NUMBL: variants seen among roughly 807,000 people sequenced by gnomAD.
The protein encoded by NUMBL is NUMB like endocytic adaptor protein, also known as numb-like protein.
In NUMBL, 20 loss-of-function variants were observed where a neutral mutation model predicts 48.9. That is an observed-to-expected ratio of 0.41 (90% confidence interval 0.29 to 0.59). NUMBL has a LOEUF of 0.59. NUMBL is among the 20% of genes least tolerant of loss of function. NUMBL has a pLI of 0.31. For synonymous variants in NUMBL, 340 were observed against 348.7 expected (o/e 0.98, Z 0.28); for missense variants, 660 against 846.2 (o/e 0.78, Z 2.73).
intron 2 of NUMBL, 190 bp from the exon 3 acceptor site, chr19:40,684,746 CA>C: frequency 2.5e-6 from 2 of 785,266 alleles, no homozygotes. Flanking sequence ...AAGGAGCCAA[CA>C]GAAGCCAGGG....
intron 3 of NUMBL, among the ~76,000 whole-genome samples, chr19:40,683,707 G>C (rs898679640): frequency 4.6e-5 from 7 of 152,194 alleles, no homozygotes; most frequent in Non-Finnish European, 1.0e-4. Context: ...TATCGGTAGA[G>C]CGCTTTGCAA....
rs1217960306 is a variant in NUMBL, at chr19:40,686,965, G to A, written c.55C>T (p.Pro19Ser). ...GGPRRPERHL[P>S]PAPCGAPGPP... ...CCCGGGGCCCCACAGGGGGCTGGGG[G>A]CAGGTGCCGCTCAGGCCTCCGGGGT... Residue 19 changes from proline to serine, a missense_variant, in exon 2 of 10, where the codon CCC becomes TCC. Coordinates refer to ENST00000252891, the MANE Select transcript of NUMBL (RefSeq NM_004756.5). The A allele has an allele frequency of 2.0e-6, 3 of 1,534,628 alleles. No individual in the cohort carries two copies. Among genetic ancestry groups the A allele is most frequent in the Admixed American group, 2.2e-5 (1 of 46,174 alleles).
At chr19:40,680,850 T>C (rs922712549) in intron 6 of NUMBL, 67 bp downstream of exon 6, 2 of 1,566,068 alleles carry the variant, frequency 1.3e-6, no homozygotes. Flanking sequence ...TGCAGGAAGC[T>C]TGTAGGGGTG....
Position 40,682,324 on chromosome 19 carries a change from C to T in NUMBL, c.399+404G>A, listed in dbSNP as rs1207325237. On this transcript the variant is annotated intron_variant, in intron 5 of 9. Coordinates refer to ENST00000252891, the MANE Select transcript of NUMBL (RefSeq NM_004756.5). The surrounding 1 kb of genome is among the most constrained non-coding windows in gnomAD (Gnocchi z 4.0). ...GTATTTTTAGTGAGATGAGGTTTCACCATATTGCCAGGCTGGTCTCGAACT... is the reference window on the plus strand; with the variant it reads ...GTATTTTTAGTGAGATGAGGTTTCATCATATTGCCAGGCTGGTCTCGAACT... 1.3e-5 allele frequency among the ~76,000 whole-genome samples: 2 copies of T among 152,038 alleles called. No individual in the cohort carries two copies. Among genetic ancestry groups the T allele is most frequent in the African/African-American group, 4.8e-5 (2 of 41,400 alleles).
Position 40,677,274 on chromosome 19 carries a change from C to A in NUMBL, c.688G>T (p.Gly230Cys), listed in dbSNP as rs2081881426. The change falls in exon 7 of 10, where the codon GGT becomes TGT. Residue 230 changes from glycine to cysteine, a missense_variant. Gly to Cys is a radical substitution (Grantham distance 159). This residue lies in a region of NUMBL where 278 missense variants were observed against 420.6 expected (regional missense o/e 0.66). Transcript: ENST00000252891. ...GCCTCTCGCTCAGCAGGCCGCCCAC[C>A]CCCAGACAGGCGGAAGGAGCCCTCG... ...AREGSFRLSG[G>C]GRPAEREAPD... 6.3e-6 allele frequency: 10 copies of A among 1,599,248 alleles called. No individual in the cohort carries two copies. Among genetic ancestry groups the A allele is most frequent in the Non-Finnish European group, 8.5e-6 (10 of 1,173,706 alleles).
intron 5 of NUMBL, among the ~76,000 whole-genome samples, chr19:40,681,386 A>G (rs1401738588): frequency 6.6e-6 from 1 of 152,184 alleles, no homozygotes; most frequent in Non-Finnish European, 1.5e-5. Context: ...GGCTTCCTGG[A>G]GCAGGTACTA....
At chr19:40,672,297 C>G (rs17630360) in intron 8 of NUMBL, among the ~76,000 whole-genome samples, 11 of 152,142 alleles carry the variant, frequency 7.2e-5, no homozygotes, top group Admixed American at 5.2e-4. Context: ...TCACCTTACC[C>G]GTCACCTGTC....
chr19:40,683,417 G>A (rs371958327), intron 3 of NUMBL, among the ~76,000 whole-genome samples: 1 of 152,182 alleles, frequency 6.6e-6, no homozygotes, highest in African/African-American at 2.4e-5. Flanking sequence ...GTTTCCCAGG[G>A]GAAAGCTCAG....
rs375869196 is a variant in NUMBL, at chr19:40,682,666, G to A, written c.399+62C>T. ...CAGAGGAGGCGGGAAGGTGTCCTCC[G>A]CCCTGATTCCAGCAGGGTGAGCAGA... On this transcript the variant is annotated intron_variant, in intron 5 of 9. Coordinates refer to ENST00000252891, the MANE Select transcript of NUMBL (RefSeq NM_004756.5). This position sits in a 1 kb window ranked among gnomAD's most constrained non-coding sequence, Gnocchi z 4.0. 1.8e-5 allele frequency: 27 copies of A among 1,523,560 alleles called. No homozygotes were observed. The highest frequency in any genetic ancestry group is 8.2e-5 in the African/African-American group (6 of 73,406). 94.4% of individuals were successfully genotyped at this position (1,523,560 alleles called of 1,614,324 possible).
Position 40,667,286 on chromosome 19 carries a change from C to T in NUMBL, c.*182G>A, listed in dbSNP as rs1420479908. 1.2e-6 allele frequency: 1 copy of T among 869,554 alleles called. No individual in the cohort carries two copies. The highest frequency in any genetic ancestry group is 1.7e-6 in the Non-Finnish European group (1 of 584,974). 53.9% of individuals were successfully genotyped at this position (869,554 alleles called of 1,614,324 possible). ...GGCTGGGTCCGTCCCTGAATTCCAT[C>T]CTGTTGCAACCTGGGCGTCACAATG... On this transcript the variant is annotated 3_prime_UTR_variant, in exon 10 of 10. Coordinates refer to ENST00000252891, the MANE Select transcript of NUMBL (RefSeq NM_004756.5). This position sits in a 1 kb window ranked among gnomAD's most constrained non-coding sequence, Gnocchi z 6.1.
chr19:40,681,864 G>A (rs936369223), intron 5 of NUMBL, among the ~76,000 whole-genome samples: 1 of 151,960 alleles, frequency 6.6e-6, no homozygotes, highest in East Asian at 1.9e-4. Context: ...GTAGAGGTGG[G>A]GTTTCACCAT....
At chr19:40,684,656 C>T in intron 2 of NUMBL, 100 bp from the exon 3 acceptor site, 1 of 1,445,102 alleles carries the variant, frequency 6.9e-7, no homozygotes, top group Non-Finnish European at 9.2e-7. Context: ...GGTCAGATAA[C>T]AAGATAACTG....
Position 40,682,864 on chromosome 19 carries a change from C to T in NUMBL, c.324+30G>A, listed in dbSNP as rs767058536. On this transcript the variant is annotated intron_variant, in intron 4 of 9. Coordinates refer to ENST00000252891, the MANE Select transcript of NUMBL (RefSeq NM_004756.5). The surrounding 1 kb of genome is among the most constrained non-coding windows in gnomAD (Gnocchi z 4.0). ...GGTGCCTCTCCCTGTCTGACCTTGC[C>T]CCCTCCCTCATGGCAGCCCCCTCAC... 1 of 1,613,992 alleles carries T rather than the reference C, an allele frequency of 6.2e-7. No homozygotes were observed. The highest frequency in any genetic ancestry group is 2.2e-5 in the East Asian group (1 of 44,870).
rs1335051172 is a variant in NUMBL, at chr19:40,667,046, AT to A, written c.*421del. On this transcript the variant is annotated 3_prime_UTR_variant, in exon 10 of 10. Coordinates refer to ENST00000252891, the MANE Select transcript of NUMBL (RefSeq NM_004756.5). The surrounding 1 kb of genome is among the most constrained non-coding windows in gnomAD (Gnocchi z 6.1). Reference sequence around the variant, plus strand: ...GTGCATGGGGGGAGGAGACGACCAGATTTGGGGTGGGCACTGGTGTGGGGCC... The same window carrying A: ...GTGCATGGGGGGAGGAGACGACCAGATTGGGGTGGGCACTGGTGTGGGGCC... The A allele has an allele frequency of 4.2e-6, 1 of 238,446 alleles. No individual in the cohort carries two copies. The highest frequency in any genetic ancestry group is 8.3e-6 in the Non-Finnish European group (1 of 120,168). 14.8% of individuals were successfully genotyped at this position (238,446 alleles called of 1,614,324 possible). A position where few individuals can be genotyped will look rare whatever the true frequency, so the allele number is the denominator to read the frequency against.
intron 3 of NUMBL, chr19:40,684,101 C>T (rs1171072662): frequency 1.1e-5 from 2 of 179,512 alleles, no homozygotes; most frequent in African/African-American, 5.5e-5. Flanking sequence ...ACAGAGTCTG[C>T]TCTGTCGCCC....
At chr19:40,677,165 C>G (rs1183464348) in intron 7 of NUMBL, 67 bp downstream of exon 7, 17 of 1,500,122 alleles carry the variant, frequency 1.1e-5, no homozygotes, top group Non-Finnish European at 1.5e-5. Flanking sequence ...TCTGCAGCTC[C>G]CTGCCCCCTG....
intron 9 of NUMBL, among the ~76,000 whole-genome samples, chr19:40,668,936 C>T (rs1042296199): frequency 3.3e-5 from 5 of 152,156 alleles, no homozygotes; most frequent in African/African-American, 1.2e-4. Context: ...TCTACATTTA[C>T]AGTGTTTGAG....
rs1312790448 is a variant in NUMBL, at chr19:40,666,071, G to C, written c.*1397C>G. 6.6e-6 allele frequency: 1 copy of C among 151,938 alleles called. No individual in the cohort carries two copies. The highest frequency in any genetic ancestry group is 1.5e-5 in the Non-Finnish European group (1 of 68,018). 9.4% of individuals were successfully genotyped at this position (151,938 alleles called of 1,614,324 possible). A position where few individuals can be genotyped will look rare whatever the true frequency, so the allele number is the denominator to read the frequency against. The stretch of plus-strand genomic sequence containing the variant: ...ATGCTGACAAAACAAGAATTTGCCA[G>C]CATGGGCAAAGATATACTGTTACCA... On this transcript the variant is annotated 3_prime_UTR_variant, in exon 10 of 10. Transcript: ENST00000252891.
chr19:40,681,081 G>A, intron 5 of NUMBL, 24 bp from the exon 6 acceptor site: 6 of 1,613,062 alleles, frequency 3.7e-6, no homozygotes, highest in Non-Finnish European at 5.1e-6. Flanking sequence ...GGGAGGCCAG[G>A]AGAAGAGTGT....
Sources: allele counts gnomAD v4.1 joint callset (sites outside exome capture counted in the v4.1 genomes callset), GRCh38; gene constraint gnomAD v4.1.1; regional missense constraint gnomAD v4.1.1; non-coding constraint Gnocchi (gnomAD v3.1); transcripts MANE v1.5; gene names NCBI Gene and HGNC (gene_info 2026-07-23, HGNC 2026-07-21).